The following SLC39A14 variants were observed in gnomAD, a reference collection of about 807,000 sequenced individuals.
SLC39A14 encodes metal cation symporter ZIP14.
Under a neutral mutation model 45.5 loss-of-function variants are expected in SLC39A14, and 19 were observed. The observed-to-expected ratio is 0.42, with a 90% CI of 0.29 to 0.61. The LOEUF (loss-of-function observed/expected upper bound fraction) is 0.61. Among genes scored for constraint, SLC39A14 ranks in the 20% least tolerant of loss-of-function variants. SLC39A14 has a pLI of 0.22. For missense variants in SLC39A14, 447 were observed against 616.5 expected (o/e 0.73, Z 2.91); for synonymous variants, 264 against 251.3 (o/e 1.05, Z -0.48).
At position 22,422,260 on chromosome 8, in the gene SLC39A14, AG is replaced by A. The variant is rs1221323493; in HGVS notation, c.*2565del. The stretch of plus-strand genomic sequence containing the variant: ...ATGTCACGTGCAGGAACAGTGAGGC[AG>A]GGACAGGGGTTCTGCTCCTTCTCAC... On this transcript the variant is annotated 3_prime_UTR_variant, in exon 9 of 9. Transcript: ENST00000381237. The A allele has an allele frequency of 2.2e-5, 22 of 985,478 alleles. No individual in the cohort carries two copies. The highest frequency in any genetic ancestry group is 2.7e-5 in the Non-Finnish European group (22 of 829,938). 61.0% of individuals were successfully genotyped at this position (985,478 alleles called of 1,614,324 possible). A position where few individuals can be genotyped will look rare whatever the true frequency, so the allele number is the denominator to read the frequency against.
At chr8:22,375,751 G>A (rs1037604593) in intron 1 of SLC39A14, among the ~76,000 whole-genome samples, 11 of 152,174 alleles carry the variant, frequency 7.2e-5, no homozygotes, top group African/African-American at 2.7e-4. Context: ...GCTTACCAAA[G>A]TGCTGGGATT....
rs182930765 is a variant in SLC39A14, at chr8:22,368,981, C to T, written c.-16+1573C>T. On this transcript the variant is annotated intron_variant, in intron 1 of 8. Transcript: ENST00000381237. ...ATGGAGCCACCCCAAGGATATACAT[C>T]CTTGGTAAAGCAAGAGAAGGGATGT... 7.2e-4 allele frequency among the ~76,000 whole-genome samples: 109 copies of T among 152,238 alleles called. 1 individual carries two copies. The highest frequency in any genetic ancestry group is 1.5e-3 in the Non-Finnish European group (101 of 68,016).
chr8:22,370,158 G>A (rs911919061), intron 1 of SLC39A14, among the ~76,000 whole-genome samples: 2 of 152,122 alleles, frequency 1.3e-5, no homozygotes, highest in Non-Finnish European at 2.9e-5. Context: ...GCTTGTGTGT[G>A]TGTGTGCACA....
At chr8:22,377,978 C>T (rs1343373575) in intron 1 of SLC39A14, among the ~76,000 whole-genome samples, 1 of 152,216 alleles carries the variant, frequency 6.6e-6, no homozygotes, top group African/African-American at 2.4e-5. Context: ...TTAAACAATA[C>T]TCCTTTCCCG....
chr8:22,410,390 T>C (rs1254206692), intron 3 of SLC39A14, among the ~76,000 whole-genome samples: 2 of 152,166 alleles, frequency 1.3e-5, no homozygotes, highest in East Asian at 1.9e-4. Context: ...TTAAGCCCCA[T>C]ACATAAGGCA....
Position 22,369,705 on chromosome 8 carries a change from T to C in SLC39A14, c.-16+2297T>C, listed in dbSNP as rs544708104. Among the ~76,000 whole-genome samples, 35 of 152,320 alleles carry C rather than the reference T, an allele frequency of 2.3e-4. 1 individual carries two copies. The South Asian group carries it at 7.1e-3, about 31-fold the overall frequency. On this transcript the variant is annotated intron_variant, in intron 1 of 8. Coordinates refer to ENST00000381237, the MANE Select transcript of SLC39A14 (RefSeq NM_001128431.4). ...TCTGTTCAATTCCTGGCCCCGTCAC[T>C]CTCCAGCAGTGAGAAATTTCTTAAC...
chr8:22,423,230 G>A (rs1300647420), downstream of SLC39A14, among the ~76,000 whole-genome samples: 2 of 151,766 alleles, frequency 1.3e-5, no homozygotes, highest in Non-Finnish European at 2.9e-5. Context: ...TGCAGCCTCC[G>A]CTTCCTGGGT....
intron 1 of SLC39A14, among the ~76,000 whole-genome samples, chr8:22,396,064 G>A (rs926405126): frequency 6.6e-6 from 1 of 151,964 alleles, no homozygotes; most frequent in Admixed American, 6.6e-5. Flanking sequence ...TTCCTTTTCC[G>A]TTAGAAGAGA....
chr8:22,402,974 T>C (rs1477818595), intron 1 of SLC39A14, among the ~76,000 whole-genome samples: 1 of 151,558 alleles, frequency 6.6e-6, no homozygotes, highest in Non-Finnish European at 1.5e-5. Context: ...TGGTGTTTGT[T>C]TGTTTGTTTG....
At chr8:22,410,170 C>A (rs1163664326) in intron 3 of SLC39A14, 10 of 1,576,670 alleles carry the variant, frequency 6.3e-6, no homozygotes, top group Non-Finnish European at 8.7e-6. Flanking sequence ...CACAGCTGAG[C>A]CAATCCCCTC....
intron 1 of SLC39A14, among the ~76,000 whole-genome samples, chr8:22,397,276 T>C (rs1046443409): frequency 4.6e-5 from 7 of 152,136 alleles, no homozygotes; most frequent in Admixed American, 3.9e-4. Flanking sequence ...TGATTTTTTT[T>C]ATTCCTTAAG....
chr8:22,405,066 C>G, intron 2 of SLC39A14, 86 bp downstream of exon 2: 1 of 1,347,008 alleles, frequency 7.4e-7, no homozygotes, highest in Non-Finnish European at 1.0e-6. Flanking sequence ...CCAGGGCAGC[C>G]TGGCAGCTTG....
intron 1 of SLC39A14, among the ~76,000 whole-genome samples, chr8:22,399,617 T>G (rs1158210569): frequency 2.0e-5 from 3 of 152,222 alleles, no homozygotes; most frequent in Non-Finnish European, 4.4e-5. Flanking sequence ...AGAGCAGCTG[T>G]GCTGCAGGGG....
intron 8 of SLC39A14, 80 bp downstream of exon 8, chr8:22,417,915 T>G: frequency 1.0e-5 from 13 of 1,238,310 alleles, no homozygotes; most frequent in East Asian, 2.4e-5. Context: ...TTATTTTTAT[T>G]TTTTTGAGAT....
At chr8:22,416,306 G>A in intron 7 of SLC39A14, 26 bp downstream of exon 7, 1 of 1,604,800 alleles carries the variant, frequency 6.2e-7, no homozygotes, top group Non-Finnish European at 8.5e-7. Context: ...CCGTTCCACT[G>A]GTGCTCCCTT....
At position 22,404,648 on chromosome 8, in the gene SLC39A14, C is replaced by G. The variant is rs528359407; in HGVS notation, c.-15-48C>G. 4.5e-6 allele frequency: 7 copies of G among 1,566,258 alleles called. 1 individual carries two copies. In the South Asian group the frequency reaches 4.8e-5, roughly 11 times the overall value. ...TGGCGGGCGGGCCTGGCGCAGTTGC[C>G]GGCACACAGGGAGAGGCCTCAGCTT... On this transcript the variant is annotated intron_variant, in intron 1 of 8. Transcript: ENST00000381237.
At chr8:22,368,588 G>A (rs561300224) in intron 1 of SLC39A14, among the ~76,000 whole-genome samples, 5 of 151,884 alleles carry the variant, frequency 3.3e-5, no homozygotes, top group Non-Finnish European at 2.9e-5. Context: ...CCACGCAAGA[G>A]TGCAGTGGCG....
At chr8:22,373,261 C>CAA (rs11332395) in intron 1 of SLC39A14, among the ~76,000 whole-genome samples, 3 of 127,364 alleles carry the variant, frequency 2.4e-5, no homozygotes, top group African/African-American at 2.8e-5. Context: ...GACTCCATCT[C>CAA]AAAAAAAAAA....
intron 2 of SLC39A14, among the ~76,000 whole-genome samples, chr8:22,406,909 C>T (rs1287708098): frequency 6.6e-6 from 1 of 152,182 alleles, no homozygotes; most frequent in African/African-American, 2.4e-5. Flanking sequence ...TTTGGGAGCA[C>T]ACCAAGAGGG....
Sources: allele counts gnomAD v4.1 joint callset (sites outside exome capture counted in the v4.1 genomes callset), GRCh38; gene constraint gnomAD v4.1.1; transcripts MANE v1.5; gene names NCBI Gene and HGNC (gene_info 2026-07-23, HGNC 2026-07-21).